Variants in LPP observed in about 807,000 individuals in gnomAD.
LPP encodes LIM domain containing preferred translocation partner in lipoma, also known as lipoma-preferred partner.
In LPP, 38 loss-of-function variants were observed where a neutral mutation model predicts 60.4. The observed-to-expected ratio is 0.63, with a 90% CI of 0.49 to 0.83. The LOEUF (loss-of-function observed/expected upper bound fraction) is 0.83. Ranked by LOEUF, LPP falls within the 40% of genes least tolerant of loss-of-function variation. The probability of loss-of-function intolerance (pLI) is 0.00; values close to 1 mark genes in which losing one functional copy is unlikely to be tolerated. For synonymous variants in LPP, 328 were observed against 290.8 expected (o/e 1.13, Z -1.30); for missense variants, 902 against 783.6 (o/e 1.15, Z -1.80).
chr3:188,324,497 G>A (rs929401069), intron 2 of LPP, among the ~76,000 whole-genome samples: 1 of 152,150 alleles, frequency 6.6e-6, no homozygotes, highest in Admixed American at 6.5e-5. Flanking sequence ...GTTCACCCCC[G>A]TGTTGTAGGA....
At chr3:188,362,413 G>T (rs757562967) in intron 3 of LPP, among the ~76,000 whole-genome samples, 2 of 151,988 alleles carry the variant, frequency 1.3e-5, no homozygotes, top group Non-Finnish European at 2.9e-5. Context: ...TTCCTTTCTG[G>T]AATTTTCTTT....
intron 7 of LPP, among the ~76,000 whole-genome samples, chr3:188,618,635 G>A (rs182845325): frequency 6.6e-6 from 1 of 152,310 alleles, no homozygotes; most frequent in East Asian, 1.9e-4. Flanking sequence ...AAACTTCTGA[G>A]TAGTATTTCC....
chr3:188,755,809 C>CAAAAAAAAAAAAAAAAAAA (rs58696911), intron 8 of LPP, among the ~76,000 whole-genome samples: 4 of 73,992 alleles, frequency 5.4e-5, no homozygotes, highest in Admixed American at 1.5e-4. Context: ...GATCCTGTCA[C>CAAAAAAAAAAAAAAAAAAA]AAAAAAAAAA....
At chr3:188,616,262 ATAAGGTG>A (rs754194162) in intron 7 of LPP, among the ~76,000 whole-genome samples, 1 of 152,156 alleles carries the variant, frequency 6.6e-6, no homozygotes, top group Non-Finnish European at 1.5e-5. Flanking sequence ...TAATTTTTGT[ATAAGGTG>A]TAAGGAAGTA....
At chr3:188,603,023 A>AAATAATAATAATAATAAT (rs57026715) in intron 6 of LPP, among the ~76,000 whole-genome samples, 2 of 146,596 alleles carry the variant, frequency 1.4e-5, no homozygotes, top group South Asian at 2.1e-4. Context: ...CTTGTGTTTG[A>AAATAATAATAATAATAAT]AATAATAATA....
chr3:188,575,735 C>T (rs534078120), intron 6 of LPP, among the ~76,000 whole-genome samples: 15 of 152,228 alleles, frequency 9.9e-5, no homozygotes, highest in African/African-American at 2.6e-4. Flanking sequence ...ATAGCACCAC[C>T]GCTTTTTTTA....
At chr3:188,370,861 G>C (rs368745532) in intron 3 of LPP, among the ~76,000 whole-genome samples, 4 of 152,120 alleles carry the variant, frequency 2.6e-5, no homozygotes, top group African/African-American at 9.7e-5. Flanking sequence ...TCACGCCTGC[G>C]TAACTCTACT....
At chr3:188,749,281 A>G (rs1057095589) in intron 8 of LPP, among the ~76,000 whole-genome samples, 2 of 152,172 alleles carry the variant, frequency 1.3e-5, no homozygotes, top group Non-Finnish European at 2.9e-5. Context: ...AGAGTGCTAC[A>G]CTGAGAGCCC....
intron 7 of LPP, among the ~76,000 whole-genome samples, chr3:188,653,070 G>T (rs190753154): frequency 6.6e-6 from 1 of 152,210 alleles, no homozygotes; most frequent in South Asian, 2.1e-4. Context: ...AAGAAGAGTC[G>T]TCTTGAGACA....
chr3:188,500,935 T>C (rs557870855), intron 5 of LPP, among the ~76,000 whole-genome samples: 15 of 152,202 alleles, frequency 9.9e-5, no homozygotes, highest in Admixed American at 9.2e-4. Context: ...CTTCTCTCTC[T>C]GTCTCTCTCT....
intron 7 of LPP, among the ~76,000 whole-genome samples, chr3:188,618,247 TC>T (rs1845211826): frequency 6.6e-6 from 1 of 152,264 alleles, no homozygotes. Flanking sequence ...TTGATCTGTT[TC>T]ATCTTTGGAC....
intron 1 of LPP, among the ~76,000 whole-genome samples, chr3:188,178,013 A>G (rs938525208): frequency 6.6e-6 from 1 of 152,220 alleles, no homozygotes; most frequent in African/African-American, 2.4e-5. Context: ...GCAAAGGCAT[A>G]CTTGGGAGTG....
intron 2 of LPP, among the ~76,000 whole-genome samples, chr3:188,239,707 C>T (rs1723193766): frequency 6.6e-6 from 1 of 152,154 alleles, no homozygotes; most frequent in Admixed American, 6.5e-5. Context: ...GTGTCTGTGA[C>T]TTCCTTAGCC....
chr3:188,462,602 G>GCA, intron 4 of LPP, among the ~76,000 whole-genome samples: 1 of 119,112 alleles, frequency 8.4e-6, no homozygotes, highest in African/African-American at 3.1e-5. Context: ...GTGTGTGTGT[G>GCA]TGTGTGTGTG....
chr3:188,389,652 T>C (rs984715740), intron 3 of LPP, among the ~76,000 whole-genome samples: 4 of 151,708 alleles, frequency 2.6e-5, no homozygotes, highest in African/African-American at 4.8e-5. Context: ...GGCAGGAGCC[T>C]ATAATCCTGG....
At chr3:188,381,729 C>T (rs189679337) in intron 3 of LPP, among the ~76,000 whole-genome samples, 4 of 152,146 alleles carry the variant, frequency 2.6e-5, no homozygotes, top group Admixed American at 2.0e-4. Flanking sequence ...AATGAATCGC[C>T]TTATAGTTAA....
intron 3 of LPP, among the ~76,000 whole-genome samples, chr3:188,371,767 G>T (rs1389774290): frequency 7.7e-5 from 11 of 143,294 alleles, no homozygotes; most frequent in African/African-American, 2.9e-4. Flanking sequence ...CGATTCTCCT[G>T]CCTCAGCCTC....
intron 2 of LPP, among the ~76,000 whole-genome samples, chr3:188,283,954 G>A (rs867771452): frequency 6.6e-6 from 1 of 151,886 alleles, no homozygotes; most frequent in Admixed American, 6.6e-5. Context: ...TCCAGCCTGG[G>A]TGACAGAGCG....
chr3:188,424,139 G>A (rs1560385939), intron 4 of LPP, among the ~76,000 whole-genome samples: 1 of 152,248 alleles, frequency 6.6e-6, no homozygotes, highest in South Asian at 2.1e-4. Flanking sequence ...TGTATAAGGT[G>A]TAAGGAAGGG....
Sources: gnomAD v4.1 joint callset for allele counts (sites outside exome capture counted in the v4.1 genomes callset) on GRCh38, gnomAD v4.1.1 for gene constraint, MANE v1.5 for transcripts, NCBI Gene and HGNC (gene_info 2026-07-23, HGNC 2026-07-21) for gene names.